USO1: variants seen among roughly 807,000 people sequenced by gnomAD.
USO1 encodes the protein general vesicular transport factor p115.
In USO1, 57 loss-of-function variants were observed where a neutral mutation model predicts 124.5. The observed-to-expected ratio is 0.46, with a 90% confidence interval of 0.37 to 0.57. The LOEUF is 0.57. Ranked by LOEUF, USO1 falls within the 20% of genes least tolerant of loss-of-function variation. USO1 has a pLI of 0.00. For synonymous variants in USO1, 369 were observed against 362.8 expected (o/e 1.02, Z -0.19); for missense variants, 900 against 1,040.6 (o/e 0.86, Z 1.86).
chr4:75,795,483 G>A (rs531527146), intron 13 of USO1: 84 of 645,784 alleles, frequency 1.3e-4, no homozygotes, highest in East Asian at 6.1e-4. Context: ...ACACTTTTGC[G>A]TGTCAGCCAA....
chr4:75,810,471 A>G lies in USO1; in HGVS notation c.2515A>G (p.Ile839Val), dbSNP rs201962042. The part of the protein sequence containing the change: ...VEVQGETETI[I>V]ATKTTDVEGR... ...GGTACAAGGAGAGACCGAGACTATAATAGCCACCAAAACTACTGATGTAGA... is the reference window on the plus strand; with the variant it reads ...GGTACAAGGAGAGACCGAGACTATAGTAGCCACCAAAACTACTGATGTAGA... Residue 839 changes from isoleucine to valine, a missense_variant, in exon 22 of 24, where the codon ATA (isoleucine) becomes GTA (valine). Around this residue, in one of 2 missense-constraint regions of USO1, gnomAD observed 362 missense variants for 359.0 expected, o/e 1.01. Coordinates refer to ENST00000514213, the MANE Select transcript of USO1 (RefSeq NM_003715.4). 252 of 1,613,036 alleles carry G rather than the reference A, an allele frequency of 1.6e-4. No individual in the cohort carries two copies. The highest frequency in any genetic ancestry group is 3.4e-5 in the Non-Finnish European group (40 of 1,179,622).
intron 4 of USO1, among the ~76,000 whole-genome samples, chr4:75,766,810 A>C (rs1263599504): frequency 1.3e-5 from 2 of 152,236 alleles, no homozygotes; most frequent in Non-Finnish European, 1.5e-5. Flanking sequence ...ATGGCTATTA[A>C]GTGGTTGAAT....
intron 1 of USO1, among the ~76,000 whole-genome samples, chr4:75,739,945 G>T (rs993777110): frequency 2.6e-5 from 4 of 152,156 alleles, no homozygotes; most frequent in African/African-American, 9.7e-5. Context: ...GTTCCTTACA[G>T]AGGTGATATG....
intron 17 of USO1, among the ~76,000 whole-genome samples, chr4:75,803,062 G>A (rs1317911007): frequency 7.1e-6 from 1 of 140,914 alleles, no homozygotes; most frequent in Non-Finnish European, 1.5e-5. Context: ...ACTCCAGCCT[G>A]GGCAACAAGA....
chr4:75,768,990 A>T (rs914473389), intron 4 of USO1, among the ~76,000 whole-genome samples: 21 of 152,164 alleles, frequency 1.4e-4, no homozygotes, highest in African/African-American at 4.8e-4. Context: ...TGCTTCTCCC[A>T]CAGTGTTTCC....
At chr4:75,786,504 TTA>T (rs1722365058) in intron 9 of USO1, among the ~76,000 whole-genome samples, 1 of 152,214 alleles carries the variant, frequency 6.6e-6, no homozygotes, top group Non-Finnish European at 1.5e-5. Context: ...TTCTGAAATT[TTA>T]TGTTTACAGT....
At chr4:75,767,496 G>T (rs746492551) in intron 4 of USO1, 1 of 427,948 alleles carries the variant, frequency 2.3e-6, no homozygotes, top group South Asian at 1.6e-5. Flanking sequence ...TGTAATCCCA[G>T]CACTTTGGGA....
At chr4:75,732,026 T>C (rs962385032) in intron 1 of USO1, among the ~76,000 whole-genome samples, 6 of 152,190 alleles carry the variant, frequency 3.9e-5, no homozygotes, top group African/African-American at 7.2e-5. Context: ...CCCATAACTT[T>C]AAAGTTTTAG....
At chr4:75,749,454 G>A (rs946196189) in intron 1 of USO1, among the ~76,000 whole-genome samples, 22 of 127,748 alleles carry the variant, frequency 1.7e-4, no homozygotes, top group Admixed American at 6.9e-4. Flanking sequence ...AGGCTGGAGT[G>A]CAGTGGCGTG....
chr4:75,755,615 T>C, intron 3 of USO1: 1 of 432,602 alleles, frequency 2.3e-6, no homozygotes, highest in East Asian at 5.8e-5. Context: ...CCAGACAGTG[T>C]AACTCAAATT....
intron 4 of USO1, among the ~76,000 whole-genome samples, chr4:75,761,906 A>T (rs565070876): frequency 8.1e-4 from 123 of 152,300 alleles, no homozygotes; most frequent in African/African-American, 2.7e-3. Context: ...CTCTTGTTTG[A>T]CATCAGATGA....
intron 23 of USO1, 111 bp from the exon 24 acceptor site, chr4:75,813,095 G>T: frequency 8.7e-7 from 1 of 1,154,836 alleles, no homozygotes; most frequent in South Asian, 2.2e-5. Flanking sequence ...CCTGGGTAAC[G>T]AGCAAAACTC....
chr4:75,725,083 C>G (rs1209578861), intron 1 of USO1, 198 bp downstream of exon 1: 3 of 635,460 alleles, frequency 4.7e-6, no homozygotes, highest in Non-Finnish European at 5.4e-6. Flanking sequence ...CCATTGCTGC[C>G]GTTCGGCCGG....
chr4:75,784,733 T>A (rs2149176956), intron 9 of USO1, among the ~76,000 whole-genome samples: 1 of 151,858 alleles, frequency 6.6e-6, no homozygotes, highest in South Asian at 2.1e-4. Flanking sequence ...TGAGGCTGCA[T>A]TGAACCATAA....
At chr4:75,808,678 C>T (rs1233832020) in intron 20 of USO1, among the ~76,000 whole-genome samples, 1 of 151,426 alleles carries the variant, frequency 6.6e-6, no homozygotes, top group Admixed American at 6.6e-5. Context: ...TAGGTTTCTT[C>T]CTCTCTCCCT....
chr4:75,795,196 TATC>T (rs1722643587), intron 13 of USO1: 1 of 590,540 alleles, frequency 1.7e-6, no homozygotes, highest in Non-Finnish European at 3.0e-6. Context: ...ATAAAAGAAG[TATC>T]ATTAGAACCA....
intron 12 of USO1, 115 bp downstream of exon 12, chr4:75,790,912 A>T: frequency 1.3e-6 from 1 of 767,248 alleles, no homozygotes; most frequent in Non-Finnish European, 1.7e-6. Context: ...CTTAGGAGAG[A>T]AAAAAAAAAA....
chr4:75,801,906 G>A (rs1291841343), intron 17 of USO1, among the ~76,000 whole-genome samples: 2 of 152,118 alleles, frequency 1.3e-5, no homozygotes, highest in Non-Finnish European at 1.5e-5. Context: ...TGCAACCTCC[G>A]CCTCCCAGGT....
chr4:75,784,636 G>A (rs749650022), intron 9 of USO1, among the ~76,000 whole-genome samples: 2 of 151,950 alleles, frequency 1.3e-5, no homozygotes, highest in Non-Finnish European at 2.9e-5. Flanking sequence ...AGGCAACATG[G>A]TCTTTATCAG....
Sources: gnomAD v4.1 joint callset for allele counts (sites outside exome capture counted in the v4.1 genomes callset) on GRCh38, gnomAD v4.1.1 for gene constraint, gnomAD v4.1.1 regional missense constraint, MANE v1.5 for transcripts, NCBI Gene and HGNC (gene_info 2026-07-23, HGNC 2026-07-21) for gene names.